TMEM135: variants seen among roughly 807,000 people sequenced by gnomAD.
TMEM135 encodes the protein peroxisomal membrane protein 52.
A neutral mutation model predicts 60.3 loss-of-function variants in TMEM135; 30 were observed. The observed-to-expected ratio is 0.50, with a 90% CI of 0.37 to 0.68. The LOEUF (loss-of-function observed/expected upper bound fraction) is 0.68, where lower values mean the gene tolerates loss of function less well. TMEM135 is among the 30% of genes least tolerant of loss of function. The probability of loss-of-function intolerance (pLI) is 0.00; values close to 1 mark genes in which losing one functional copy is unlikely to be tolerated. For missense variants in TMEM135, 468 were observed against 548.8 expected (o/e 0.85, Z 1.47); for synonymous variants, 190 against 186.7 (o/e 1.02, Z -0.14).
At chr11:87,162,210 A>C (rs1165858887) in intron 5 of TMEM135, among the ~76,000 whole-genome samples, 1 of 150,518 alleles carries the variant, frequency 6.6e-6, no homozygotes, top group African/African-American at 2.4e-5. Context: ...TTTTTTTTGG[A>C]GAGTTTATTA....
At chr11:87,058,091 T>C (rs766090218) in intron 1 of TMEM135, among the ~76,000 whole-genome samples, 8 of 152,106 alleles carry the variant, frequency 5.3e-5, no homozygotes, top group Non-Finnish European at 1.0e-4. Context: ...GTTTGTTGTT[T>C]TGTTCTCTTC....
At chr11:87,075,180 A>G (rs1437915542) in intron 3 of TMEM135, among the ~76,000 whole-genome samples, 1 of 151,664 alleles carries the variant, frequency 6.6e-6, no homozygotes, top group Non-Finnish European at 1.5e-5. Context: ...TTTTTTTGAG[A>G]CGGAGTCTCG....
intron 1 of TMEM135, among the ~76,000 whole-genome samples, chr11:87,059,250 A>T (rs979336292): frequency 6.6e-6 from 1 of 151,638 alleles, no homozygotes; most frequent in Non-Finnish European, 1.5e-5. Flanking sequence ...GAAAAAAAAT[A>T]CAGGAGGTCT....
rs1938288792 is a variant in TMEM135, at chr11:87,142,438, C to A, written c.397-14903C>A. ...AGATTCTTTTGGTTTTCCCCTATCT[C>A]AATTATTATTTCATTTGCATTTTTC... is the stretch of plus-strand genomic sequence containing the variant. On this transcript the variant is annotated intron_variant, in intron 4 of 14. Coordinates refer to ENST00000305494, the MANE Select transcript of TMEM135 (RefSeq NM_022918.4). Among the ~76,000 whole-genome samples the A allele has an allele frequency of 3.3e-5, 5 of 152,232 alleles. No homozygotes were observed. In the South Asian group the frequency reaches 1.0e-3, roughly 32 times the overall value.
chr11:87,257,229 A>T (rs1170917495), intron 6 of TMEM135, among the ~76,000 whole-genome samples: 2 of 152,188 alleles, frequency 1.3e-5, no homozygotes, highest in Non-Finnish European at 2.9e-5. Context: ...ACTGATACAG[A>T]TGCTCAAATT....
At chr11:87,076,128 G>A (rs1450330322) in intron 3 of TMEM135, among the ~76,000 whole-genome samples, 2 of 152,216 alleles carry the variant, frequency 1.3e-5, no homozygotes, top group Non-Finnish European at 2.9e-5. Context: ...CCCTCTGGGT[G>A]ACAAGTTCTC....
intron 4 of TMEM135, among the ~76,000 whole-genome samples, chr11:87,154,146 C>G (rs1179958980): frequency 6.6e-6 from 1 of 152,190 alleles, no homozygotes; most frequent in African/African-American, 2.4e-5. Flanking sequence ...TTTCTCCTCT[C>G]TCAGCCTCTA....
chr11:87,242,360 T>C (rs1232886657), intron 6 of TMEM135, among the ~76,000 whole-genome samples: 1 of 150,910 alleles, frequency 6.6e-6, no homozygotes, highest in Non-Finnish European at 1.5e-5. Flanking sequence ...CCTTTGGGTA[T>C]ATACCCAGTA....
At chr11:87,310,624 T>TA (rs11317985) in intron 10 of TMEM135, among the ~76,000 whole-genome samples, 382 of 130,458 alleles carry the variant, frequency 2.9e-3, no homozygotes, top group African/African-American at 5.8e-3. Flanking sequence ...AAGTTGCAAT[T>TA]AAAAAAAAAA....
intron 3 of TMEM135, among the ~76,000 whole-genome samples, chr11:87,082,998 A>G (rs1299443167): frequency 6.6e-6 from 1 of 152,212 alleles, no homozygotes; most frequent in East Asian, 1.9e-4. Context: ...AAATACATAG[A>G]TAAAGATCTA....
intron 6 of TMEM135, among the ~76,000 whole-genome samples, chr11:87,287,669 G>C (rs7945472): frequency 0.35 from 53,516 of 152,090 alleles, 10,045 homozygotes; most frequent in Non-Finnish European, 0.42. Context: ...GAGTGAGACT[G>C]CGTCTCATAA....
intron 4 of TMEM135, among the ~76,000 whole-genome samples, chr11:87,127,112 A>G (rs1393975497): frequency 2.6e-5 from 4 of 152,170 alleles, no homozygotes; most frequent in Admixed American, 2.0e-4. Context: ...TTAAAACCAT[A>G]AAAAAAGTAA....
chr11:87,288,152 C>T (rs1256349144), intron 6 of TMEM135, among the ~76,000 whole-genome samples: 1 of 152,042 alleles, frequency 6.6e-6, no homozygotes, highest in Non-Finnish European at 1.5e-5. Context: ...TGTAACAATG[C>T]CATATGTAAA....
intron 3 of TMEM135, among the ~76,000 whole-genome samples, chr11:87,080,196 A>G (rs1856961421): frequency 6.7e-6 from 1 of 149,064 alleles, no homozygotes; most frequent in African/African-American, 2.5e-5. Flanking sequence ...GATATCAACA[A>G]GGACAAGATC....
intron 5 of TMEM135, 91 bp from the exon 6 acceptor site, chr11:87,236,547 C>A: frequency 3.8e-6 from 4 of 1,041,958 alleles, no homozygotes; most frequent in Admixed American, 1.7e-5. Context: ...TTGTTTCAGG[C>A]ACAAGATTTA....
intron 5 of TMEM135, among the ~76,000 whole-genome samples, chr11:87,174,032 A>G (rs1474156391): frequency 6.6e-6 from 1 of 152,196 alleles, no homozygotes; most frequent in Non-Finnish European, 1.5e-5. Context: ...GAAAAAACTG[A>G]CTTGTACAAA....
In TMEM135 at chr11:87,326,383, G is replaced by A. The variant is rs116834457; in HGVS notation, c.*5050G>A. Reference sequence around the variant, plus strand: ...CCTGAACTAGGACCAGTTAATTTTCGAAGTCTAGTTCTTCAGTGTCTATTA... The same window carrying A: ...CCTGAACTAGGACCAGTTAATTTTCAAAGTCTAGTTCTTCAGTGTCTATTA... On this transcript the variant is annotated 3_prime_UTR_variant, in exon 15 of 15. Coordinates refer to ENST00000305494, the MANE Select transcript of TMEM135 (RefSeq NM_022918.4). 1.3e-3 allele frequency: 569 copies of A among 453,996 alleles called. 3 individuals carry two copies. The highest frequency in any genetic ancestry group is 9.7e-3 in the African/African-American group (488 of 50,104). The allele number at this position is 453,996 out of a possible 1,614,324, so 28.1% of individuals were successfully genotyped here. A position where few individuals can be genotyped will look rare whatever the true frequency, so the allele number is the denominator to read the frequency against.
chr11:87,276,817 C>T (rs901331854), intron 6 of TMEM135, among the ~76,000 whole-genome samples: 6 of 151,296 alleles, frequency 4.0e-5, no homozygotes, highest in East Asian at 2.0e-4. Context: ...TACTGGCATG[C>T]GAGGCCACCA....
intron 4 of TMEM135, among the ~76,000 whole-genome samples, chr11:87,143,333 C>T (rs1938317598): frequency 6.7e-6 from 1 of 150,060 alleles, no homozygotes; most frequent in Admixed American, 6.7e-5. Flanking sequence ...CATTTGGATT[C>T]AGTCTTCATT....
Sources: gnomAD v4.1 joint callset for allele counts (sites outside exome capture counted in the v4.1 genomes callset) on GRCh38, gnomAD v4.1.1 for gene constraint, MANE v1.5 for transcripts, NCBI Gene and HGNC (gene_info 2026-07-23, HGNC 2026-07-21) for gene names.